Variants in DDHD1 observed in about 807,000 individuals in gnomAD.
DDHD1 encodes the protein DDHD domain containing 1.
A neutral mutation model predicts 96.4 loss-of-function variants in DDHD1; 49 were observed. The ratio of observed to expected loss-of-function variants is 0.51; its 90% CI spans 0.40 to 0.64. The LOEUF is 0.64. Among genes scored for constraint, DDHD1 ranks in the 30% least tolerant of loss-of-function variants. The pLI is 0.00. For synonymous variants in DDHD1, 442 were observed against 446.5 expected, an observed-to-expected ratio of 0.99 and a Z score of 0.13; for missense variants, 1,106 against 1,161.2, an observed-to-expected ratio of 0.95 and a Z score of 0.69.
rs183747343 is a variant in DDHD1 at position 53,139,729 on chromosome 14, G to A, written c.838+12532C>T. On this transcript the variant is annotated intron_variant, in intron 1 of 12. Transcript: ENST00000673822. ...AAAACAAAAAAACAAAAAACAAGGC[G>A]TGCCTATTTCTAGGCATAAATACTC... Among the ~76,000 whole-genome samples, 63 of 151,666 alleles carry A rather than the reference G, an allele frequency of 4.2e-4. No individual in the cohort carries two copies. The East Asian group carries it at 9.1e-3, about 22-fold the overall frequency.
intron 12 of DDHD1, among the ~76,000 whole-genome samples, chr14:53,050,016 T>C (rs971264795): frequency 7.2e-5 from 11 of 152,190 alleles, no homozygotes; most frequent in Non-Finnish European, 1.3e-4. Flanking sequence ...GAGAATTCTT[T>C]TGTGCACAAG....
At position 53,152,582 on chromosome 14, in the gene DDHD1, T is replaced by C. The variant is rs758214087; in HGVS notation, c.517A>G (p.Lys173Glu). 1.2e-6 allele frequency: 2 copies of C among 1,613,790 alleles called. No homozygotes were observed. The highest frequency in any genetic ancestry group is 1.1e-5 in the South Asian group (1 of 91,082). The change falls in exon 1 of 13, where the codon AAG becomes GAG. Residue 173 changes from lysine to glutamate, a missense_variant. Lys to Glu is a moderately conservative substitution (Grantham distance 56). Around this residue, in one of 2 missense-constraint regions of DDHD1, gnomAD observed 456 missense variants for 402.4 expected, o/e 1.13. Transcript: ENST00000673822. Reference protein sequence around the residue: ...LGPEEVRWFYKEDKKTWKPFI... With the variant: ...LGPEEVRWFYEEDKKTWKPFI... ...GGCTTCCAGGTCTTCTTGTCCTCCT[T>C]GTAGAACCAGCGTACCTCCTCCGGG...
chr14:53,045,601 T>A lies in DDHD1; in HGVS notation c.*1167A>T, dbSNP rs1029253705. On this transcript the variant is annotated 3_prime_UTR_variant, in exon 13 of 13. Transcript: ENST00000673822. ...GTTTTGGTGCCTTGGTGTATTAACA[T>A]GTAACATGAGAACAAGATTTATTTA... 1 of 152,224 alleles carries A rather than the reference T, an allele frequency of 6.6e-6. No homozygotes were observed. Among genetic ancestry groups the A allele is most frequent in the Non-Finnish European group, 1.5e-5 (1 of 68,040 alleles). The allele number at this position is 152,224 out of a possible 1,614,324, so 9.4% of individuals were successfully genotyped here.
intron 6 of DDHD1, among the ~76,000 whole-genome samples, chr14:53,068,343 A>T (rs1001195678): frequency 4.7e-5 from 7 of 147,570 alleles, no homozygotes; most frequent in Non-Finnish European, 8.9e-5. Context: ...TCCCAGGCTC[A>T]AGCAGTCCTC....
At chr14:53,078,514 T>C (rs149086741) in intron 4 of DDHD1, among the ~76,000 whole-genome samples, 1 of 152,316 alleles carries the variant, frequency 6.6e-6, no homozygotes, top group East Asian at 1.9e-4. Context: ...GTACTTTATA[T>C]ATCCTGGATC....
intron 2 of DDHD1, among the ~76,000 whole-genome samples, chr14:53,098,067 A>G (rs1887020393): frequency 6.6e-6 from 1 of 152,050 alleles, no homozygotes; most frequent in Non-Finnish European, 1.5e-5. Flanking sequence ...TAAGTACAGT[A>G]GAGGAAAAAA....
At chr14:53,143,525 C>T (rs1448851515) in intron 1 of DDHD1, among the ~76,000 whole-genome samples, 1 of 152,174 alleles carries the variant, frequency 6.6e-6, no homozygotes, top group Non-Finnish European at 1.5e-5. Flanking sequence ...CACCTTACTA[C>T]TGTGTCTGGT....
chr14:53,096,950 T>G (rs1001168974), intron 2 of DDHD1, among the ~76,000 whole-genome samples: 4 of 152,010 alleles, frequency 2.6e-5, no homozygotes, highest in Non-Finnish European at 1.5e-5. Flanking sequence ...AGGCACAGAC[T>G]TGATATTTGG....
intron 8 of DDHD1, among the ~76,000 whole-genome samples, chr14:53,060,686 T>C (rs10138872): frequency 0.56 from 85,456 of 152,018 alleles, 25,766 homozygotes; most frequent in South Asian, 0.69. Flanking sequence ...ACCACTATTC[T>C]AGATTAGCTG....
At chr14:53,098,054 T>C (rs1418156954) in intron 2 of DDHD1, among the ~76,000 whole-genome samples, 1 of 151,986 alleles carries the variant, frequency 6.6e-6, no homozygotes, top group African/African-American at 2.4e-5. Context: ...AGGGGTACTA[T>C]GATAAGTACA....
At chr14:53,048,759 T>C (rs1429707223) in intron 12 of DDHD1, 3 of 152,194 alleles carry the variant, frequency 2.0e-5, no homozygotes, top group Non-Finnish European at 2.9e-5. Flanking sequence ...CCATGGGACA[T>C]TTGTATTAGA....
chr14:53,149,518 A>C (rs1891208236), intron 1 of DDHD1, among the ~76,000 whole-genome samples: 1 of 152,226 alleles, frequency 6.6e-6, no homozygotes, highest in Non-Finnish European at 1.5e-5. Context: ...AAACTTACAC[A>C]CAGAGACTTA....
At chr14:53,079,412 A>T (rs905039428) in intron 4 of DDHD1, among the ~76,000 whole-genome samples, 1 of 152,066 alleles carries the variant, frequency 6.6e-6, no homozygotes, top group East Asian at 1.9e-4. Context: ...AGGTCTACTC[A>T]GATTTTCTAT....
intron 1 of DDHD1, among the ~76,000 whole-genome samples, chr14:53,106,428 C>T (rs549121330): frequency 6.6e-6 from 1 of 152,178 alleles, no homozygotes; most frequent in South Asian, 2.1e-4. Context: ...AGAGGCCGAG[C>T]CAGGTGGATC....
intron 6 of DDHD1, among the ~76,000 whole-genome samples, chr14:53,069,372 T>C (rs2139899274): frequency 6.6e-6 from 1 of 152,358 alleles, no homozygotes; most frequent in Non-Finnish European, 1.5e-5. Context: ...TTGTAGACAC[T>C]GCATTTACAA....
rs765960047 is a variant in DDHD1, at chr14:53,038,798, C to T, written c.*7970G>A. 9 of 152,066 alleles carry T rather than the reference C, an allele frequency of 5.9e-5. No homozygotes were observed. Among genetic ancestry groups the T allele is most frequent in the Admixed American group, 1.3e-4 (2 of 15,260 alleles). The allele number at this position is 152,066 out of a possible 1,614,324, so 9.4% of individuals were successfully genotyped here. Reference sequence around the variant, plus strand: ...CAGATGTGGCTTCAAACTATAAGACCACAGTAACCAAAACAGCACGGCACT... The same window carrying T: ...CAGATGTGGCTTCAAACTATAAGACTACAGTAACCAAAACAGCACGGCACT... On this transcript the variant is annotated 3_prime_UTR_variant, in exon 13 of 13. Transcript: ENST00000673822.
intron 2 of DDHD1, chr14:53,102,936 C>T: frequency 6.4e-6 from 8 of 1,259,584 alleles, no homozygotes; most frequent in Non-Finnish European, 8.8e-6. Context: ...CAAGAAACCT[C>T]CCAAATAAAG....
chr14:53,104,293 T>C (rs993084130), intron 1 of DDHD1, among the ~76,000 whole-genome samples: 1 of 152,230 alleles, frequency 6.6e-6, no homozygotes, highest in African/African-American at 2.4e-5. Flanking sequence ...TCATATTCTA[T>C]GGCACATACT....
Position 53,068,576 on chromosome 14 carries a change from A to C in DDHD1, c.1503+4021T>G, listed in dbSNP as rs528164795. 2.0e-5 allele frequency among the ~76,000 whole-genome samples: 3 copies of C among 152,208 alleles called. No individual in the cohort carries two copies. The East Asian group carries it at 5.8e-4, about 29-fold the overall frequency. On this transcript the variant is annotated intron_variant, in intron 6 of 12. Coordinates refer to ENST00000673822, the MANE Select transcript of DDHD1 (RefSeq NM_001160148.2). The stretch of plus-strand genomic sequence containing the variant: ...TGATAATAATATTTTTACAGAATAC[A>C]GTCTCATTGCTACTTTTTATTACAA...
Sources: allele counts gnomAD v4.1 joint callset (sites outside exome capture counted in the v4.1 genomes callset), GRCh38; gene constraint gnomAD v4.1.1; regional missense constraint gnomAD v4.1.1; transcripts MANE v1.5; gene names NCBI Gene and HGNC (gene_info 2026-07-23, HGNC 2026-07-21).